The following FGF12 variants were observed in gnomAD, a reference collection of about 807,000 sequenced individuals.
FGF12 encodes fibroblast growth factor 12B.
In FGF12, 14 loss-of-function variants were observed where a neutral mutation model predicts 23.6. The observed-to-expected ratio is 0.59, with a 90% CI of 0.39 to 0.93. The LOEUF (loss-of-function observed/expected upper bound fraction) is 0.93. FGF12 is among the 40% of genes least tolerant of loss of function. The pLI is 0.00. For missense variants in FGF12, 175 were observed against 217.8 expected (o/e 0.80, Z 1.24); for synonymous variants, 62 against 77.3 (o/e 0.80, Z 1.04).
At chr3:192,714,032 T>C (rs527637653) in intron 2 of FGF12, among the ~76,000 whole-genome samples, 75 of 152,356 alleles carry the variant, frequency 4.9e-4, no homozygotes, top group African/African-American at 1.8e-3. Context: ...ACCAGAGCAG[T>C]TCTGAGATAC....
intron 4 of FGF12, among the ~76,000 whole-genome samples, chr3:192,205,487 A>C (rs1350102915): frequency 6.6e-6 from 1 of 152,152 alleles, no homozygotes; most frequent in Non-Finnish European, 1.5e-5. Context: ...GGAAGGGAGA[A>C]TATCCCTCCT....
chr3:192,157,188 C>CA (rs773776147), intron 5 of FGF12, among the ~76,000 whole-genome samples: 84 of 152,292 alleles, frequency 5.5e-4, no homozygotes, highest in Middle Eastern at 3.4e-3. Context: ...GTGAGATAGA[C>CA]AGTAGTTACC....
At chr3:192,667,820 T>A (rs1716950537) in intron 2 of FGF12, among the ~76,000 whole-genome samples, 1 of 151,936 alleles carries the variant, frequency 6.6e-6, no homozygotes, top group Non-Finnish European at 1.5e-5. Flanking sequence ...ATTGACACAT[T>A]TTGAACATCA....
At chr3:192,501,312 C>T (rs1347586733) in intron 2 of FGF12, among the ~76,000 whole-genome samples, 1 of 152,124 alleles carries the variant, frequency 6.6e-6, no homozygotes, top group South Asian at 2.1e-4. Context: ...ATAAATATGA[C>T]ATAAAGTCAG....
chr3:192,180,468 C>T (rs1716110026), intron 4 of FGF12, among the ~76,000 whole-genome samples: 1 of 152,188 alleles, frequency 6.6e-6, no homozygotes, highest in African/African-American at 2.4e-5. Flanking sequence ...ATGTGTCCCA[C>T]TATGACTGAA....
intron 2 of FGF12, among the ~76,000 whole-genome samples, chr3:192,550,600 G>A (rs912957529): frequency 9.2e-5 from 14 of 151,886 alleles, no homozygotes; most frequent in East Asian, 3.9e-4. Flanking sequence ...GAAGAGGGCC[G>A]TTTCAGACAA....
At chr3:192,648,891 G>A (rs1235391876) in intron 2 of FGF12, among the ~76,000 whole-genome samples, 1 of 152,146 alleles carries the variant, frequency 6.6e-6, no homozygotes, top group Non-Finnish European at 1.5e-5. Context: ...CACCAAACTT[G>A]GAGCTGATTA....
chr3:192,413,365 G>T (rs1576963886), intron 2 of FGF12, among the ~76,000 whole-genome samples: 1 of 151,900 alleles, frequency 6.6e-6, no homozygotes, highest in Non-Finnish European at 1.5e-5. Flanking sequence ...TGTTTTAATC[G>T]CCCACTAGCT....
chr3:192,228,661 A>T (rs1718862032), intron 4 of FGF12, among the ~76,000 whole-genome samples: 1 of 152,100 alleles, frequency 6.6e-6, no homozygotes, highest in African/African-American at 2.4e-5. Context: ...CAGAATCATC[A>T]TCACTATTTT....
At chr3:192,167,731 G>GCA (rs1715249845) in intron 5 of FGF12, among the ~76,000 whole-genome samples, 1 of 25,044 alleles carries the variant, frequency 4.0e-5, no homozygotes, top group Non-Finnish European at 6.2e-5. Flanking sequence ...TAGGTTATAG[G>GCA]TATATATATA....
chr3:192,635,273 C>T (rs968088463), intron 2 of FGF12, among the ~76,000 whole-genome samples: 12 of 152,200 alleles, frequency 7.9e-5, no homozygotes, highest in East Asian at 7.7e-4. Context: ...ACTTGTCCCC[C>T]GTGTTAGTGT....
chr3:192,248,272 C>A (rs948199642), intron 4 of FGF12, among the ~76,000 whole-genome samples: 2 of 152,142 alleles, frequency 1.3e-5, no homozygotes, highest in Non-Finnish European at 2.9e-5. Flanking sequence ...TGGAGAACAA[C>A]CTTGACAATA....
At chr3:192,694,453 T>C (rs1364333847) in intron 2 of FGF12, among the ~76,000 whole-genome samples, 26 of 152,148 alleles carry the variant, frequency 1.7e-4, no homozygotes, top group Admixed American at 1.7e-3. Context: ...CCATGTTCAC[T>C]TCAGCATTAT....
intron 2 of FGF12, among the ~76,000 whole-genome samples, chr3:192,523,430 G>A (rs1024302812): frequency 5.3e-5 from 8 of 152,192 alleles, no homozygotes; most frequent in African/African-American, 1.9e-4. Flanking sequence ...TTACATTTAG[G>A]TGACATTGGG....
At chr3:192,248,036 G>A (rs1045167705) in intron 4 of FGF12, among the ~76,000 whole-genome samples, 3 of 152,108 alleles carry the variant, frequency 2.0e-5, no homozygotes, top group Non-Finnish European at 4.4e-5. Context: ...GTTCTAAAGG[G>A]GGAATAAATG....
At chr3:192,194,467 T>C (rs1481387824) in intron 4 of FGF12, among the ~76,000 whole-genome samples, 2 of 152,210 alleles carry the variant, frequency 1.3e-5, no homozygotes, top group Non-Finnish European at 2.9e-5. Context: ...GATAATACCA[T>C]AGAGCTATAC....
intron 3 of FGF12, among the ~76,000 whole-genome samples, chr3:192,347,673 A>G (rs1718026800): frequency 6.6e-6 from 1 of 152,160 alleles, no homozygotes; most frequent in Non-Finnish European, 1.5e-5. Flanking sequence ...ATTCTTCCAA[A>G]GAAAAGAAGG....
At chr3:192,637,832 A>C (rs1438345133) in intron 2 of FGF12, among the ~76,000 whole-genome samples, 1 of 152,226 alleles carries the variant, frequency 6.6e-6, no homozygotes, top group Non-Finnish European at 1.5e-5. Flanking sequence ...AGAAATTTTG[A>C]AGCATCTGTT....
In FGF12 at chr3:192,345,667, A is replaced by G. The variant is rs1717920709; in HGVS notation, c.125-10203T>C. Among the ~76,000 whole-genome samples, 2 of 41,722 alleles carry G rather than the reference A, an allele frequency of 4.8e-5. 1 individual carries two copies. The highest frequency in any genetic ancestry group is 7.0e-5 in the Non-Finnish European group (2 of 28,522). 27.4% of individuals were successfully genotyped at this position (41,722 alleles called of 152,430 possible). Reference sequence around the variant, plus strand: ...GCGCCACTGCACTCCAGCCTGGGCGACAGAGCGAGACTCCGTCTCAAAAAA... The same window carrying G: ...GCGCCACTGCACTCCAGCCTGGGCGGCAGAGCGAGACTCCGTCTCAAAAAA... On this transcript the variant is annotated intron_variant, in intron 3 of 5. Transcript: ENST00000445105.
Sources: gnomAD v4.1 joint callset for allele counts (sites outside exome capture counted in the v4.1 genomes callset) on GRCh38, gnomAD v4.1.1 for gene constraint, MANE v1.5 for transcripts, NCBI Gene and HGNC (gene_info 2026-07-23, HGNC 2026-07-21) for gene names.